Variants in CNBD2 observed in about 807,000 individuals in gnomAD.
CNBD2 encodes the protein cyclic nucleotide binding domain containing 2.
In CNBD2, 64 loss-of-function variants were observed where a neutral mutation model predicts 63.7. That is an observed-to-expected ratio of 1.00 (90% CI 0.82 to 1.24). The LOEUF is 1.24. Among genes scored for constraint, CNBD2 ranks in the 50% most tolerant of loss-of-function variants. The pLI is 0.00. For synonymous variants in CNBD2, 229 were observed against 255.4 expected (o/e 0.90, Z 0.99); for missense variants, 691 against 713.5 (o/e 0.97, Z 0.36).
In CNBD2 at chr20:36,000,972, G is replaced by T. The variant is rs1801928071; in HGVS notation, c.970+5820G>T. Among the ~76,000 whole-genome samples the T allele has an allele frequency of 2.7e-5, 4 of 150,534 alleles. No individual in the cohort carries two copies. The South Asian group carries it at 8.4e-4, about 32-fold the overall frequency. On this transcript the variant is annotated intron_variant, in intron 8 of 11. Coordinates refer to ENST00000373973, the MANE Select transcript of CNBD2 (RefSeq NM_001365709.1). ...CTCTTAACGAGCATGCTGCCTTCAA[G>T]CATCTGTTTAACAAAGCACATCTTG...
rs916085421 is a variant in CNBD2, at chr20:36,018,720, C to T, written c.1270-4882C>T. Among the ~76,000 whole-genome samples the T allele has an allele frequency of 6.6e-5, 10 of 152,304 alleles. 1 individual carries two copies. Among genetic ancestry groups the T allele is most frequent in the Admixed American group, 6.5e-4 (10 of 15,298 alleles). On this transcript the variant is annotated intron_variant, in intron 10 of 11. Transcript: ENST00000373973. ...GGAGATATAGGAAGTCCAACTTCTC[C>T]AAGGAACAGGCAGGCTGAGGCCTCT...
rs191865911 is a variant in CNBD2 at position 36,006,383 on chromosome 20, C to T, written c.971-1914C>T. ...CGTATAATTTTTATATAATAGAGTGCACATATTTTATGTGTATAGTTAAAT... is the reference window on the plus strand; with the variant it reads ...CGTATAATTTTTATATAATAGAGTGTACATATTTTATGTGTATAGTTAAAT... On this transcript the variant is annotated intron_variant, in intron 8 of 11. Coordinates refer to ENST00000373973, the MANE Select transcript of CNBD2 (RefSeq NM_001365709.1). Among the ~76,000 whole-genome samples the T allele has an allele frequency of 1.5e-4, 22 of 151,644 alleles. No individual in the cohort carries two copies. In the East Asian group the frequency reaches 2.2e-3, roughly 15 times the overall value.
At chr20:35,974,875 A>G (rs1350413760) in intron 2 of CNBD2, 1 of 152,258 alleles carries the variant, frequency 6.6e-6, no homozygotes, top group Non-Finnish European at 1.5e-5. Flanking sequence ...GGAGCTTAAT[A>G]AAACCTGCTT....
intron 1 of CNBD2, 126 bp downstream of exon 1, chr20:35,968,939 T>C: frequency 2.9e-6 from 2 of 698,302 alleles, no homozygotes; most frequent in Admixed American, 4.8e-5. Context: ...CCTTTTGGAG[T>C]CACAGCATGG....
At chr20:35,981,517 C>G (rs1340252625) in intron 4 of CNBD2, among the ~76,000 whole-genome samples, 1 of 152,092 alleles carries the variant, frequency 6.6e-6, no homozygotes, top group Non-Finnish European at 1.5e-5. Flanking sequence ...CTCACTGAAG[C>G]CTCTACCTCC....
intron 1 of CNBD2, among the ~76,000 whole-genome samples, chr20:35,969,077 C>A (rs950207958): frequency 2.0e-5 from 3 of 152,100 alleles, no homozygotes; most frequent in African/African-American, 7.2e-5. Flanking sequence ...CCAGAGAGAA[C>A]GAGGGAGGAT....
chr20:35,969,735 C>T (rs1277014360), intron 1 of CNBD2, among the ~76,000 whole-genome samples: 1 of 152,174 alleles, frequency 6.6e-6, no homozygotes, highest in East Asian at 1.9e-4. Flanking sequence ...TTGTTTTCAG[C>T]CATTCACTGT....
intron 8 of CNBD2, among the ~76,000 whole-genome samples, chr20:35,999,809 C>T (rs1278796915): frequency 1.3e-5 from 2 of 151,988 alleles, no homozygotes; most frequent in Non-Finnish European, 1.5e-5. Flanking sequence ...TCCCTAGTAG[C>T]TGGGATTATA....
chr20:36,016,885 C>G (rs2057140635), intron 10 of CNBD2, among the ~76,000 whole-genome samples: 2 of 151,220 alleles, frequency 1.3e-5, no homozygotes, highest in Non-Finnish European at 2.9e-5. Context: ...AAAGCGAAAT[C>G]CTGTCTCTAC....
intron 11 of CNBD2, among the ~76,000 whole-genome samples, chr20:36,029,291 G>C (rs1379096698): frequency 6.6e-6 from 1 of 152,128 alleles, no homozygotes; most frequent in African/African-American, 2.4e-5. Context: ...AATTAAATGA[G>C]TTCACAAATG....
chr20:36,006,726 A>G (rs1002813928), intron 8 of CNBD2, among the ~76,000 whole-genome samples: 1 of 152,206 alleles, frequency 6.6e-6, no homozygotes, highest in Non-Finnish European at 1.5e-5. Flanking sequence ...CCATAGTTCC[A>G]TGACAAATTT....
At chr20:35,986,082 A>G (rs2056663601) in intron 6 of CNBD2, among the ~76,000 whole-genome samples, 1 of 152,236 alleles carries the variant, frequency 6.6e-6, no homozygotes, top group Non-Finnish European at 1.5e-5. Context: ...TTGAATACTT[A>G]TGTGCATGAA....
At chr20:35,965,965 C>T (rs937000630), upstream of CNBD2, among the ~76,000 whole-genome samples, 5 of 152,062 alleles carry the variant, frequency 3.3e-5, no homozygotes, top group East Asian at 1.9e-4. Flanking sequence ...ATCTGATGCC[C>T]CTTGTGAGCC....
At chr20:35,955,774 G>C (rs1266625280), downstream of CNBD2, among the ~76,000 whole-genome samples, 2 of 152,108 alleles carry the variant, frequency 1.3e-5, no homozygotes, top group Non-Finnish European at 2.9e-5. Context: ...TTTTGTTTTT[G>C]TTTTTGTTTT....
At chr20:35,971,987 T>C (rs2056425949) in intron 1 of CNBD2, among the ~76,000 whole-genome samples, 2 of 152,216 alleles carry the variant, frequency 1.3e-5, no homozygotes, top group South Asian at 2.1e-4. Context: ...AGGTGTTATA[T>C]AAGTTTTCTA....
In CNBD2 at chr20:35,984,663, A is replaced by T; in HGVS notation, c.601A>T (p.Thr201Ser). ...DVLHASVRRS[T>S]IVCMEETEFL... ...TCTGCATGCTTCAGTGAGGAGGTCC[A>T]CCATCGTCTGTATGGAAGAAACGGA... Residue 201 changes from threonine (T) to serine (S), a missense_variant, in exon 6 of 12, where the codon ACC becomes TCC. By Grantham distance (58) the Thr-to-Ser change is moderately conservative. Coordinates refer to ENST00000373973, the MANE Select transcript of CNBD2 (RefSeq NM_001365709.1). 6.2e-7 allele frequency: 1 copy of T among 1,614,220 alleles called. No individual in the cohort carries two copies. The highest frequency in any genetic ancestry group is 8.5e-7 in the Non-Finnish European group (1 of 1,180,038).
At chr20:35,962,257 C>CTT (rs917656604) in intron 2 of CNBD2, among the ~76,000 whole-genome samples, 11,994 of 131,458 alleles carry the variant, frequency 0.091, 696 homozygotes, top group Middle Eastern at 0.14. Context: ...TCCCTGCAGT[C>CTT]TTTTTTTTTT....
In CNBD2 at chr20:35,984,625, A is replaced by G; in HGVS notation, c.565-2A>G. The G allele has an allele frequency of 6.2e-7, 1 of 1,613,986 alleles. No homozygotes were observed. The highest frequency in any genetic ancestry group is 8.5e-7 in the Non-Finnish European group (1 of 1,179,930). On this transcript the variant is annotated splice_acceptor_variant, in intron 5 of 11. Coordinates refer to ENST00000373973, the MANE Select transcript of CNBD2 (RefSeq NM_001365709.1). LOFTEE classifies it high-confidence loss of function. ...CTTGCCCTTGCCCTGTCCACCCAACAGGAAATGGACGTTCTGCATGCTTCA... is the reference window on the plus strand; with the variant it reads ...CTTGCCCTTGCCCTGTCCACCCAACGGGAAATGGACGTTCTGCATGCTTCA...
chr20:36,028,923 G>C (rs779280920), intron 11 of CNBD2, among the ~76,000 whole-genome samples: 1 of 152,066 alleles, frequency 6.6e-6, no homozygotes. Context: ...TCATCCACCC[G>C]CCTGGTCTCC....
Sources: allele counts gnomAD v4.1 joint callset (sites outside exome capture counted in the v4.1 genomes callset), GRCh38; gene constraint gnomAD v4.1.1; transcripts MANE v1.5; gene names NCBI Gene and HGNC (gene_info 2026-07-23, HGNC 2026-07-21).